The following SPATS2L variants were observed in gnomAD, a reference collection of about 807,000 sequenced individuals.
The protein encoded by SPATS2L is SPATS2-like protein.
In SPATS2L, 30 loss-of-function variants were observed where a neutral mutation model predicts 59.6. The ratio of observed to expected loss-of-function variants is 0.50; its 90% confidence interval spans 0.38 to 0.68. SPATS2L has a LOEUF of 0.68. Among genes scored for constraint, SPATS2L ranks in the 30% least tolerant of loss-of-function variants. The probability of loss-of-function intolerance (pLI) is 0.00; values close to 1 mark genes in which losing one functional copy is unlikely to be tolerated. For synonymous variants in SPATS2L, 252 were observed against 263.5 expected (o/e 0.96, Z 0.42); for missense variants, 615 against 700.0 (o/e 0.88, Z 1.37).
At chr2:200,386,882 A>G (rs888167261) in intron 2 of SPATS2L, among the ~76,000 whole-genome samples, 2 of 152,128 alleles carry the variant, frequency 1.3e-5, no homozygotes, top group African/African-American at 4.8e-5. Flanking sequence ...TGAAAAATTC[A>G]TGTATATACA....
intron 3 of SPATS2L, among the ~76,000 whole-genome samples, chr2:200,406,137 T>C (rs1370149354): frequency 6.6e-6 from 1 of 152,152 alleles, no homozygotes; most frequent in Admixed American, 6.5e-5. Context: ...AAAGATATGC[T>C]CCCTGTCAGT....
chr2:200,439,184 A>C lies in SPATS2L; in HGVS notation c.508A>C (p.Thr170Pro). 1 of 1,613,800 alleles carries C rather than the reference A, an allele frequency of 6.2e-7. No homozygotes were observed. The highest frequency in any genetic ancestry group is 8.5e-7 in the Non-Finnish European group (1 of 1,179,750). ...TGGGAACCCCAAACCTATACATGGAACAACAGAGAGGTCAGATGGCCTACA... is the reference window on the plus strand; with the variant it reads ...TGGGAACCCCAAACCTATACATGGACCAACAGAGAGGTCAGATGGCCTACA... ...LDGNPKPIHG[T>P]TERSDGLQWS... Residue 170 changes from threonine to proline, a missense_variant, in exon 7 of 13, where the codon ACA becomes CCA. Around this residue, in one of 3 missense-constraint regions of SPATS2L, gnomAD observed 227 missense variants for 257.4 expected, o/e 0.88. Coordinates refer to ENST00000409140, the MANE Select transcript of SPATS2L (RefSeq NM_001100423.2).
In SPATS2L at chr2:200,323,151, G is replaced by T. The variant is rs368877418; in HGVS notation, c.-72-6280G>T. ...GTGAATAGTTAGAACTGTGAACAGA[G>T]AATTAGCTATGGGATCTGCAGGTTG... On this transcript the variant is annotated intron_variant, in intron 1 of 12. Transcript: ENST00000409140. Among the ~76,000 whole-genome samples, 40 of 152,314 alleles carry T rather than the reference G, an allele frequency of 2.6e-4. No homozygotes were observed. In the East Asian group the frequency reaches 4.6e-3, roughly 18 times the overall value.
chr2:200,345,369 G>A (rs1224020111), intron 2 of SPATS2L, among the ~76,000 whole-genome samples: 1 of 152,186 alleles, frequency 6.6e-6, no homozygotes, highest in African/African-American at 2.4e-5. Context: ...TAAAGTGACT[G>A]ACTCTGGATA....
intron 2 of SPATS2L, among the ~76,000 whole-genome samples, chr2:200,353,591 T>G (rs1357352680): frequency 1.3e-5 from 2 of 152,112 alleles, no homozygotes; most frequent in Non-Finnish European, 1.5e-5. Flanking sequence ...ATACCCAAAA[T>G]TTTCAAACTT....
Position 200,329,445 on chromosome 2 carries a change from C to G in SPATS2L, c.-58C>G, listed in dbSNP as rs1398790370. ...ATTTTTCCTAGAGCTCTTCAGAAACCAGGCTGCTTTCAGGAACATTGCTGT... is the reference window on the plus strand; with the variant it reads ...ATTTTTCCTAGAGCTCTTCAGAAACGAGGCTGCTTTCAGGAACATTGCTGT... On this transcript the variant is annotated 5_prime_UTR_variant, in exon 2 of 13. Transcript: ENST00000409140. 6.4e-7 allele frequency: 1 copy of G among 1,550,530 alleles called. No homozygotes were observed. Among genetic ancestry groups the G allele is most frequent in the Non-Finnish European group, 8.7e-7 (1 of 1,146,972 alleles).
intron 8 of SPATS2L, among the ~76,000 whole-genome samples, chr2:200,441,947 A>G (rs2084728928): frequency 6.6e-6 from 1 of 152,212 alleles, no homozygotes; most frequent in Non-Finnish European, 1.5e-5. Context: ...ACACTAATCT[A>G]AAATGCATGA....
At chr2:200,312,435 A>G (rs545239511) in intron 1 of SPATS2L, among the ~76,000 whole-genome samples, 4 of 152,356 alleles carry the variant, frequency 2.6e-5, no homozygotes, top group Admixed American at 6.5e-5. Flanking sequence ...GCTAGGACCA[A>G]TGGGAATGTT....
At chr2:200,429,796 C>T (rs1199373655) in intron 6 of SPATS2L, among the ~76,000 whole-genome samples, 1 of 152,134 alleles carries the variant, frequency 6.6e-6, no homozygotes, top group Admixed American at 6.5e-5. Flanking sequence ...CAGGGTCCAG[C>T]TCCAGTATCA....
At chr2:200,452,208 A>G (rs2085507809) in intron 8 of SPATS2L, among the ~76,000 whole-genome samples, 1 of 152,224 alleles carries the variant, frequency 6.6e-6, no homozygotes. Context: ...AAGAAACTGA[A>G]CTAATAAGTA....
intron 2 of SPATS2L, among the ~76,000 whole-genome samples, chr2:200,342,514 T>C (rs1361892140): frequency 6.6e-6 from 1 of 152,264 alleles, no homozygotes; most frequent in Non-Finnish European, 1.5e-5. Context: ...ACTCTGTGTC[T>C]GTGGGTCTAG....
rs1040900017 is a variant in SPATS2L at position 200,479,843 on chromosome 2, C to G, written c.*1812C>G. On this transcript the variant is annotated 3_prime_UTR_variant, in exon 13 of 13. Transcript: ENST00000409140. Reference sequence around the variant, plus strand: ...TGCCAAGTACAGGAGGATGTTTGCTCTCTCTGTAGAGAGCTTTCTGAGGTC... The same window carrying G: ...TGCCAAGTACAGGAGGATGTTTGCTGTCTCTGTAGAGAGCTTTCTGAGGTC... 8 of 397,944 alleles carry G rather than the reference C, an allele frequency of 2.0e-5. No homozygotes were observed. Among genetic ancestry groups the G allele is most frequent in the Admixed American group, 4.4e-5 (1 of 22,696 alleles). 24.7% of individuals were successfully genotyped at this position (397,944 alleles called of 1,614,324 possible). A position where few individuals can be genotyped will look rare whatever the true frequency, so the allele number is the denominator to read the frequency against.
chr2:200,306,712 TC>T lies in SPATS2L; in HGVS notation c.-281del. 4 of 983,004 alleles carry T rather than the reference TC, an allele frequency of 4.1e-6. No individual in the cohort carries two copies. Among genetic ancestry groups the T allele is most frequent in the Non-Finnish European group, 4.8e-6 (4 of 829,186 alleles). The allele number at this position is 983,004 out of a possible 1,614,324, so 60.9% of individuals were successfully genotyped here. ...AGCCGGAGTTGTGTCAGTGAAGGAA[TC>T]CAGTCCGGGGGCCGAGCTGGCTGCG... is the stretch of plus-strand genomic sequence containing the variant. On this transcript the variant is annotated 5_prime_UTR_variant, in exon 1 of 13. Coordinates refer to ENST00000409140, the MANE Select transcript of SPATS2L (RefSeq NM_001100423.2).
intron 3 of SPATS2L, among the ~76,000 whole-genome samples, chr2:200,396,765 A>T (rs1386395891): frequency 6.6e-6 from 1 of 152,198 alleles, no homozygotes; most frequent in Admixed American, 6.5e-5. Context: ...TTGGGGAAAA[A>T]TTTGCAGGAG....
At position 200,419,240 on chromosome 2, in the gene SPATS2L, C is replaced by G. The variant is rs753640672; in HGVS notation, c.199-10C>G. Reference sequence around the variant, plus strand: ...TTGAATATTATGTTCTCATTTGTTTCTCATTCTAGAACAATAAAAGAAAAA... The same window carrying G: ...TTGAATATTATGTTCTCATTTGTTTGTCATTCTAGAACAATAAAAGAAAAA... On this transcript the variant is annotated splice_polypyrimidine_tract_variant and intron_variant, in intron 5 of 12. Transcript: ENST00000409140. 21 of 1,554,530 alleles carry G rather than the reference C, an allele frequency of 1.4e-5. No individual in the cohort carries two copies. The African/African-American group carries it at 2.9e-4, about 21-fold the overall frequency.
At chr2:200,340,442 G>A (rs962321089) in intron 2 of SPATS2L, among the ~76,000 whole-genome samples, 1 of 152,100 alleles carries the variant, frequency 6.6e-6, no homozygotes, top group Non-Finnish European at 1.5e-5. Flanking sequence ...AAACAAGACA[G>A]CGTGTCTTGA....
At chr2:200,331,024 T>C (rs1458829525) in intron 2 of SPATS2L, among the ~76,000 whole-genome samples, 3 of 152,216 alleles carry the variant, frequency 2.0e-5, no homozygotes, top group African/African-American at 7.2e-5. Context: ...GGCTTTACTT[T>C]TATCTTTTTA....
At chr2:200,358,573 A>C (rs1252488754) in intron 2 of SPATS2L, among the ~76,000 whole-genome samples, 3 of 149,510 alleles carry the variant, frequency 2.0e-5, no homozygotes, top group Non-Finnish European at 3.0e-5. Context: ...TATTCACTAC[A>C]TACACACAAA....
chr2:200,446,470 T>C (rs949853311), intron 8 of SPATS2L, among the ~76,000 whole-genome samples: 3 of 152,070 alleles, frequency 2.0e-5, no homozygotes, highest in Non-Finnish European at 2.9e-5. Flanking sequence ...CAGGAGACCA[T>C]TGATTTGGAA....
Sources: allele counts gnomAD v4.1 joint callset (sites outside exome capture counted in the v4.1 genomes callset), GRCh38; gene constraint gnomAD v4.1.1; regional missense constraint gnomAD v4.1.1; transcripts MANE v1.5; gene names NCBI Gene and HGNC (gene_info 2026-07-23, HGNC 2026-07-21).